The following BLTP1 variants were observed in gnomAD, a reference collection of about 807,000 sequenced individuals.
BLTP1 encodes fragile site-associated protein.
At chr4:122,361,889 T>G in the BLTP1 span, 1 of 867,544 alleles carries the variant, frequency 1.2e-6, no homozygotes, top group Non-Finnish European at 1.7e-6. Flanking sequence ...CCAGGAATTA[T>G]GGGCTCATTT....
the BLTP1 span, chr4:122,229,877 T>C: frequency 6.5e-7 from 1 of 1,532,678 alleles, no homozygotes; most frequent in Non-Finnish European, 8.8e-7. Context: ...TTGGCTAAGC[T>C]ACTTAAAAAT....
the BLTP1 span, chr4:122,351,372 T>C: frequency 4.2e-6 from 1 of 236,622 alleles, no homozygotes; most frequent in African/African-American, 2.3e-5. Flanking sequence ...ATGCGTACAT[T>C]TTAAGAAAAT....
At chr4:122,221,515 A>G in the BLTP1 span, among the ~76,000 whole-genome samples, 1 of 152,170 alleles carries the variant, frequency 6.6e-6, no homozygotes, top group South Asian at 2.1e-4. Context: ...TAATTATAGT[A>G]TCAAAACAAG....
the BLTP1 span, chr4:122,223,978 C>T: frequency 1.0e-6 from 1 of 975,334 alleles, no homozygotes; most frequent in Non-Finnish European, 1.2e-6. Flanking sequence ...ATACGTGCTG[C>T]TTTTTAGTAG....
At chr4:122,197,898 A>G in the BLTP1 span, 1 of 835,668 alleles carries the variant, frequency 1.2e-6, no homozygotes, top group Non-Finnish European at 1.4e-6. Context: ...AAATTGTTAT[A>G]ACTTCATTTT....
the BLTP1 span, chr4:122,281,860 T>A: frequency 2.2e-6 from 3 of 1,372,660 alleles, no homozygotes; most frequent in Non-Finnish European, 1.9e-6. Context: ...GTAAATTTGG[T>A]TTTATAGATA....
chr4:122,238,364 T>TA, the BLTP1 span: 3 of 1,606,678 alleles, frequency 1.9e-6, no homozygotes, highest in Non-Finnish European at 2.6e-6. Flanking sequence ...AGTATTCACT[T>TA]AGATTTAGAA....
the BLTP1 span, chr4:122,348,516 C>A: frequency 6.8e-7 from 1 of 1,471,332 alleles, no homozygotes; most frequent in Non-Finnish European, 9.1e-7. Flanking sequence ...TGCTTTGTAA[C>A]TAGCTTGGCA....
At chr4:122,286,811 C>T in the BLTP1 span, 16 of 1,591,126 alleles carry the variant, frequency 1.0e-5, no homozygotes, top group Non-Finnish European at 1.4e-5. Flanking sequence ...AATTTTCTTA[C>T]TCTTCGTAAT....
At chr4:122,280,676 A>AC in the BLTP1 span, among the ~76,000 whole-genome samples, 6 of 151,826 alleles carry the variant, frequency 4.0e-5, no homozygotes, top group Non-Finnish European at 7.4e-5. Flanking sequence ...AAAAAAAAAA[A>AC]AAAAAACAAC....
At chr4:122,181,470 A>G in the BLTP1 span, among the ~76,000 whole-genome samples, 1 of 152,106 alleles carries the variant, frequency 6.6e-6, no homozygotes, top group Non-Finnish European at 1.5e-5. Context: ...TTTTTCCACC[A>G]AGAAACATCA....
At chr4:122,266,849 C>T in the BLTP1 span, 3 of 1,610,526 alleles carry the variant, frequency 1.9e-6, no homozygotes, top group Non-Finnish European at 8.5e-7. Context: ...ATTCTGCTAC[C>T]GAATGTACTT....
At chr4:122,190,170 C>A in the BLTP1 span, 3 of 1,501,792 alleles carry the variant, frequency 2.0e-6, no homozygotes, top group Non-Finnish European at 2.7e-6. Context: ...AATCATAGTC[C>A]ACTATACCCT....
At chr4:122,182,628 C>G in the BLTP1 span, 1 of 985,138 alleles carries the variant, frequency 1.0e-6, no homozygotes, top group Non-Finnish European at 1.2e-6. Flanking sequence ...ATCTACCATT[C>G]TGCTTCCTGA....
the BLTP1 span, chr4:122,204,603 T>TC: frequency 2.0e-6 from 2 of 982,950 alleles, no homozygotes; most frequent in Non-Finnish European, 1.2e-6. Context: ...GGTTAGTTTT[T>TC]CCTTAGCAGA....
At chr4:122,238,256 G>C in the BLTP1 span, 2 of 1,614,006 alleles carry the variant, frequency 1.2e-6, no homozygotes, top group Non-Finnish European at 1.7e-6. Context: ...GCCTTTGTTG[G>C]CTGGTGAAAA....
At chr4:122,326,738 CTA>C in the BLTP1 span, among the ~76,000 whole-genome samples, 7 of 151,328 alleles carry the variant, frequency 4.6e-5, no homozygotes, top group Non-Finnish European at 8.9e-5. Context: ...TATATAATAG[CTA>C]TGAGATTAAA....
the BLTP1 span, among the ~76,000 whole-genome samples, chr4:122,265,695 G>T: frequency 3.4e-4 from 51 of 151,610 alleles, no homozygotes; most frequent in East Asian, 2.4e-3. Flanking sequence ...ATATTTTTTT[G>T]TTGTTGTTTG....
the BLTP1 span, among the ~76,000 whole-genome samples, chr4:122,177,542 C>T: frequency 7.2e-5 from 11 of 152,188 alleles, no homozygotes; most frequent in Non-Finnish European, 8.8e-5. Context: ...TAGAATCCTA[C>T]GAACTTTCTA....
Sources: gnomAD v4.1 joint callset for allele counts (sites outside exome capture counted in the v4.1 genomes callset) on GRCh38, gnomAD v4.1.1 for gene constraint, MANE v1.5 for transcripts, NCBI Gene and HGNC (gene_info 2026-07-23, HGNC 2026-07-21) for gene names.